The following CNTNAP2 variants were observed in gnomAD, a reference collection of about 807,000 sequenced individuals.
CNTNAP2 encodes contactin associated protein 2, also known as contactin-associated protein-like 2.
CNTNAP2 carries 98 observed loss-of-function variants against 155.2 expected under a neutral mutation model. The observed-to-expected ratio is 0.63, with a 90% CI of 0.54 to 0.75. The LOEUF (loss-of-function observed/expected upper bound fraction) is 0.75, where lower values mean the gene tolerates loss of function less well. CNTNAP2 is among the 30% of genes least tolerant of loss of function. The probability of loss-of-function intolerance (pLI) is 0.00; values close to 1 mark genes in which losing one functional copy is unlikely to be tolerated. For missense variants in CNTNAP2, 1,727 were observed against 1,688.1 expected, an observed-to-expected ratio of 1.02 and a Z score of -0.40; for synonymous variants, 651 against 631.2, an observed-to-expected ratio of 1.03 and a Z score of -0.47.
At chr7:147,213,571 C>CA (rs5888241) in intron 8 of CNTNAP2, among the ~76,000 whole-genome samples, 5,688 of 140,008 alleles carry the variant, frequency 0.041, 201 homozygotes, top group East Asian at 0.19. Flanking sequence ...GCCCTCATCG[C>CA]AAAAAAAAAA....
intron 1 of CNTNAP2, among the ~76,000 whole-genome samples, chr7:146,217,721 G>C (rs802540): frequency 0.7 from 106,208 of 152,014 alleles, 37,982 homozygotes; most frequent in East Asian, 0.94. Context: ...GCCTCTGGGT[G>C]GGGGGATTGA....
At chr7:147,495,241 G>A (rs1276442774) in intron 11 of CNTNAP2, among the ~76,000 whole-genome samples, 8 of 152,162 alleles carry the variant, frequency 5.3e-5, no homozygotes, top group Admixed American at 4.6e-4. Context: ...TCTGAGCTAA[G>A]TTCCTTTCAG....
At position 146,914,037 on chromosome 7, in the gene CNTNAP2, G is replaced by C. The variant is rs903449475; in HGVS notation, c.402+74133G>C. ...TTCCATTCCTGAGTTACTTCACTTA[G>C]AATAATGGTCTCCAGTTTCATCCAG... On this transcript the variant is annotated intron_variant, in intron 3 of 23. Coordinates refer to ENST00000361727, the MANE Select transcript of CNTNAP2 (RefSeq NM_014141.6). 2.0e-5 allele frequency among the ~76,000 whole-genome samples: 3 copies of C among 151,988 alleles called. No homozygotes were observed. The South Asian group carries it at 6.2e-4, about 31-fold the overall frequency.
At chr7:148,235,466 C>T (rs1483431552) in intron 20 of CNTNAP2, among the ~76,000 whole-genome samples, 1 of 152,104 alleles carries the variant, frequency 6.6e-6, no homozygotes, top group Non-Finnish European at 1.5e-5. Context: ...CTCTGGTCTC[C>T]AGCAGTGATG....
chr7:146,544,533 T>C lies in CNTNAP2; in HGVS notation c.98-229738T>C, dbSNP rs138601837. 3.7e-3 allele frequency among the ~76,000 whole-genome samples: 561 copies of C among 152,070 alleles called. 3 individuals carry two copies. Among genetic ancestry groups the C allele is most frequent in the African/African-American group, 0.013 (531 of 41,518 alleles). On this transcript the variant is annotated intron_variant, in intron 1 of 23. Coordinates refer to ENST00000361727, the MANE Select transcript of CNTNAP2 (RefSeq NM_014141.6). The stretch of plus-strand genomic sequence containing the variant: ...ACAATTTTGCTTTTCTTCTCTTTTT[T>C]CCCCCATAGAAATAAGGAATAGTTG...
At chr7:147,799,050 C>G (rs914470131) in intron 13 of CNTNAP2, among the ~76,000 whole-genome samples, 3 of 152,186 alleles carry the variant, frequency 2.0e-5, no homozygotes, top group African/African-American at 7.2e-5. Context: ...AAACCCCAGG[C>G]CTTCCCATAA....
At chr7:147,752,342 C>T (rs117589100) in intron 13 of CNTNAP2, among the ~76,000 whole-genome samples, 1,668 of 151,400 alleles carry the variant, frequency 0.011, 94 homozygotes, top group Admixed American at 0.088. Context: ...TTTTTCTCTA[C>T]AGATTATAGA....
At chr7:148,332,070 G>A (rs73154526) in intron 21 of CNTNAP2, among the ~76,000 whole-genome samples, 11,543 of 151,336 alleles carry the variant, frequency 0.076, 487 homozygotes, top group African/African-American at 0.092. Context: ...AGAAATTGCT[G>A]TCATCGTTTT....
At chr7:146,485,295 G>A (rs966393602) in intron 1 of CNTNAP2, among the ~76,000 whole-genome samples, 1 of 152,158 alleles carries the variant, frequency 6.6e-6, no homozygotes, top group African/African-American at 2.4e-5. Context: ...ACGGCAGACA[G>A]GCAGGCTGGG....
intron 12 of CNTNAP2, among the ~76,000 whole-genome samples, chr7:147,597,973 G>A (rs540850638): frequency 2.0e-5 from 3 of 152,130 alleles, no homozygotes; most frequent in African/African-American, 7.2e-5. Context: ...GCAGCAATAG[G>A]TCAGGCAAAC....
intron 13 of CNTNAP2, among the ~76,000 whole-genome samples, chr7:147,692,333 T>C (rs1400944891): frequency 6.6e-6 from 1 of 152,142 alleles, no homozygotes; most frequent in African/African-American, 2.4e-5. Context: ...CAGACTTTTG[T>C]GTGAACATAA....
chr7:146,143,447 G>T (rs1408480332), intron 1 of CNTNAP2, among the ~76,000 whole-genome samples: 1 of 151,956 alleles, frequency 6.6e-6, no homozygotes, highest in African/African-American at 2.4e-5. Flanking sequence ...TTTAAATTAC[G>T]CTGTCTCATT....
intron 21 of CNTNAP2, among the ~76,000 whole-genome samples, chr7:148,321,470 G>A (rs1025315834): frequency 3.9e-5 from 6 of 152,194 alleles, no homozygotes; most frequent in Non-Finnish European, 7.3e-5. Flanking sequence ...AGAAGAAGAC[G>A]GTTTTGCAAC....
At chr7:146,968,317 G>A (rs970684432) in intron 3 of CNTNAP2, among the ~76,000 whole-genome samples, 7 of 152,096 alleles carry the variant, frequency 4.6e-5, no homozygotes, top group African/African-American at 1.4e-4. Context: ...GGATAATGCT[G>A]GCCTCATAAA....
At chr7:146,721,905 T>TGAGATGGAACC (rs1801342675) in intron 1 of CNTNAP2, among the ~76,000 whole-genome samples, 1 of 106,328 alleles carries the variant, frequency 9.4e-6, no homozygotes, top group Non-Finnish European at 1.7e-5. Context: ...TTTTTTTTTT[T>TGAGATGGAACC]TGAGATGGAA....
At chr7:146,435,889 T>G (rs1796236414) in intron 1 of CNTNAP2, among the ~76,000 whole-genome samples, 1 of 152,166 alleles carries the variant, frequency 6.6e-6, no homozygotes. Context: ...ATTGCTTTGG[T>G]CAAATCCAAG....
intron 18 of CNTNAP2, among the ~76,000 whole-genome samples, chr7:148,209,500 A>G (rs1795507468): frequency 6.6e-6 from 1 of 151,872 alleles, no homozygotes; most frequent in Non-Finnish European, 1.5e-5. Flanking sequence ...GTGTTCCCAT[A>G]ATCAGAAATT....
intron 1 of CNTNAP2, among the ~76,000 whole-genome samples, chr7:146,534,467 G>A (rs1354128969): frequency 6.6e-6 from 1 of 151,970 alleles, no homozygotes; most frequent in East Asian, 1.9e-4. Flanking sequence ...CAAATGTACG[G>A]TGTATACAGC....
intron 1 of CNTNAP2, among the ~76,000 whole-genome samples, chr7:146,712,863 G>C (rs1361320709): frequency 6.6e-6 from 1 of 151,308 alleles, no homozygotes; most frequent in African/African-American, 2.4e-5. Flanking sequence ...CATTTTAGAT[G>C]GTCTGCTTGG....
Sources: allele counts gnomAD v4.1 joint callset (sites outside exome capture counted in the v4.1 genomes callset), GRCh38; gene constraint gnomAD v4.1.1; transcripts MANE v1.5; gene names NCBI Gene and HGNC (gene_info 2026-07-23, HGNC 2026-07-21).